TCP11L1: variants seen among roughly 807,000 people sequenced by gnomAD.
TCP11L1 encodes the protein T-complex protein 11-like protein 1.
In TCP11L1, 28 loss-of-function variants were observed where a neutral mutation model predicts 48.9. The ratio of observed to expected loss-of-function variants is 0.57; its 90% CI spans 0.42 to 0.78. The LOEUF is 0.78. Among genes scored for constraint, TCP11L1 ranks in the 30% least tolerant of loss-of-function variants. TCP11L1 has a pLI of 0.00. For synonymous variants in TCP11L1, 204 were observed against 231.9 expected (o/e 0.88, Z 1.09); for missense variants, 505 against 613.4 (o/e 0.82, Z 1.87).
chr11:33,053,170 A>C (rs1332741390), intron 2 of TCP11L1, among the ~76,000 whole-genome samples: 1 of 144,850 alleles, frequency 6.9e-6, no homozygotes, highest in Non-Finnish European at 1.5e-5. Context: ...TTTTTGAGAC[A>C]ATCTTCCTCT....
intron 8 of TCP11L1, among the ~76,000 whole-genome samples, chr11:33,067,267 CT>C (rs1564987841): frequency 6.6e-6 from 1 of 152,142 alleles, no homozygotes; most frequent in Non-Finnish European, 1.5e-5. Flanking sequence ...TATAGAATAT[CT>C]TTGAGTGGTT....
rs369872198 is a variant in TCP11L1, at chr11:33,057,242, C to T, written c.417+7C>T. ...TGTAGGAGAAATCAAAGAGGTGAGG[C>T]AAAGAGTGAATTGTGATGCTTTTCT... On this transcript the variant is annotated splice_region_variant and intron_variant, in intron 4 of 9. Transcript: ENST00000334274. 3.9e-5 allele frequency: 63 copies of T among 1,613,908 alleles called. No homozygotes were observed. The highest frequency in any genetic ancestry group is 5.2e-5 in the Non-Finnish European group (61 of 1,179,976).
chr11:33,071,832 A>G (rs554520895), intron 9 of TCP11L1, among the ~76,000 whole-genome samples: 3 of 152,048 alleles, frequency 2.0e-5, no homozygotes. Context: ...TCACTCATGC[A>G]TTCATTCATT....
intron 2 of TCP11L1, among the ~76,000 whole-genome samples, chr11:33,045,987 C>A (rs12785453): frequency 0.046 from 6,975 of 152,328 alleles, 238 homozygotes; most frequent in Middle Eastern, 0.078. Context: ...GTTTAAGATA[C>A]AATAGATCTA....
chr11:33,072,040 T>G (rs1854805397), intron 9 of TCP11L1, among the ~76,000 whole-genome samples: 1 of 152,114 alleles, frequency 6.6e-6, no homozygotes. Flanking sequence ...GAGACGGGGC[T>G]TCACCACAAT....
At position 33,059,159 on chromosome 11, in the gene TCP11L1, C is replaced by T; in HGVS notation, c.775+64C>T. The T allele has an allele frequency of 5.7e-6, 9 of 1,579,578 alleles. No homozygotes were observed. The South Asian group carries it at 1.0e-4, about 18-fold the overall frequency. On this transcript the variant is annotated intron_variant, in intron 6 of 9. Transcript: ENST00000334274. ...TGGTTTTTCATTTTAGCTGCCATAG[C>T]TTGTTGCATAATATTATTTTCAGAA...
Position 33,066,030 on chromosome 11 carries a change from C to G in TCP11L1, c.1154+19C>G. ...ACCTGCCGTAAGTGGAACTTTGATG[C>G]GTGGATGGGACGCAGTGGATGTCAG... On this transcript the variant is annotated intron_variant, in intron 8 of 9. Transcript: ENST00000334274. 6.2e-7 allele frequency: 1 copy of G among 1,612,638 alleles called. No individual in the cohort carries two copies. The highest frequency in any genetic ancestry group is 8.5e-7 in the Non-Finnish European group (1 of 1,179,126).
chr11:33,054,790 T>G (rs927324685), intron 3 of TCP11L1, 65 bp downstream of exon 3: 1 of 1,545,192 alleles, frequency 6.5e-7, no homozygotes, highest in African/African-American at 1.4e-5. Context: ...TGAAAATGTT[T>G]CCTTCAGTTG....
At chr11:33,070,951 G>A (rs1854771232) in intron 9 of TCP11L1, among the ~76,000 whole-genome samples, 2 of 150,596 alleles carry the variant, frequency 1.3e-5, no homozygotes, top group Non-Finnish European at 3.0e-5. Context: ...GCAGTGAGCC[G>A]AGATCGCGCC....
Position 33,068,692 on chromosome 11 carries a change from T to G in TCP11L1, c.1160T>G (p.Phe387Cys). The change falls in exon 9 of 10, where the codon TTC (phenylalanine) becomes TGC (cysteine). Residue 387 changes from phenylalanine (F) to cysteine (C), a missense_variant. Around this residue, in one of 3 missense-constraint regions of TCP11L1, gnomAD observed 335 missense variants for 413.3 expected, o/e 0.81. Coordinates refer to ENST00000334274, the MANE Select transcript of TCP11L1 (RefSeq NM_018393.4). Reference sequence around the variant, plus strand: ...TCTCCCCTCCTCTGCCCCAGCTCCTTCCATCTGAAGGACGTCCTCACTACC... The same window carrying G: ...TCTCCCCTCCTCTGCCCCAGCTCCTGCCATCTGAAGGACGTCCTCACTACC... ...ILLTDMHLPS[F>C]HLKDVLTTIG... 1 of 1,613,852 alleles carries G rather than the reference T, an allele frequency of 6.2e-7. No homozygotes were observed. Among genetic ancestry groups the G allele is most frequent in the Non-Finnish European group, 8.5e-7 (1 of 1,179,810 alleles).
At chr11:33,041,363 A>G (rs1046679021) in intron 1 of TCP11L1, 1 of 152,178 alleles carries the variant, frequency 6.6e-6, no homozygotes, top group Non-Finnish European at 1.5e-5. Flanking sequence ...CCCTAATAGG[A>G]TTTAGGACAC....
chr11:33,047,224 A>G (rs948903257), intron 2 of TCP11L1, among the ~76,000 whole-genome samples: 2 of 151,980 alleles, frequency 1.3e-5, no homozygotes, highest in African/African-American at 4.8e-5. Context: ...AAGAAAAAAA[A>G]AAAAAGAGTA....
chr11:33,054,219 CTTCTT>C (rs1324271002), intron 2 of TCP11L1, among the ~76,000 whole-genome samples: 5 of 147,934 alleles, frequency 3.4e-5, no homozygotes, highest in Non-Finnish European at 7.4e-5. Flanking sequence ...AATCTGGTGT[CTTCTT>C]TTTTTTTTTT....
chr11:33,049,873 G>T (rs1390531986), intron 2 of TCP11L1, among the ~76,000 whole-genome samples: 2 of 152,126 alleles, frequency 1.3e-5, no homozygotes, highest in Admixed American at 6.5e-5. Context: ...CAGGTGTTGG[G>T]CTGGGGGATG....
chr11:33,064,985 G>A (rs1035432218), intron 7 of TCP11L1, among the ~76,000 whole-genome samples: 5 of 152,210 alleles, frequency 3.3e-5, no homozygotes, highest in African/African-American at 1.2e-4. Flanking sequence ...GTGACTGGCT[G>A]TCCTAGTTTG....
At chr11:33,059,934 C>T (rs961431051) in intron 6 of TCP11L1, among the ~76,000 whole-genome samples, 1 of 152,136 alleles carries the variant, frequency 6.6e-6, no homozygotes, top group African/African-American at 2.4e-5. Flanking sequence ...GCTGGATGTA[C>T]ATGATCATAT....
chr11:33,069,036 G>A (rs541430734), intron 9 of TCP11L1, among the ~76,000 whole-genome samples, 177 bp downstream of exon 9: 3 of 152,114 alleles, frequency 2.0e-5, no homozygotes, highest in Non-Finnish European at 4.4e-5. Flanking sequence ...GGACCAGGCA[G>A]CCATCATTGT....
chr11:33,050,171 A>T (rs1052724686), intron 2 of TCP11L1, among the ~76,000 whole-genome samples: 4 of 152,246 alleles, frequency 2.6e-5, no homozygotes, highest in Admixed American at 1.3e-4. Context: ...AGGGTTACAG[A>T]TTAACAACAT....
intron 9 of TCP11L1, among the ~76,000 whole-genome samples, chr11:33,072,013 T>C (rs1854803927): frequency 6.6e-6 from 1 of 151,980 alleles, no homozygotes; most frequent in Non-Finnish European, 1.5e-5. Flanking sequence ...ACCTGGCTAC[T>C]TTTTATATTT....
Sources: gnomAD v4.1 joint callset for allele counts (sites outside exome capture counted in the v4.1 genomes callset) on GRCh38, gnomAD v4.1.1 for gene constraint, gnomAD v4.1.1 regional missense constraint, MANE v1.5 for transcripts, NCBI Gene and HGNC (gene_info 2026-07-23, HGNC 2026-07-21) for gene names.